Variants in PRKN observed in about 807,000 individuals in gnomAD.
PRKN encodes E3 ubiquitin-protein ligase parkin.
In PRKN, 56 loss-of-function variants were observed where a neutral mutation model predicts 59.5. That is an observed-to-expected ratio of 0.94 (90% CI 0.76 to 1.18). The LOEUF (loss-of-function observed/expected upper bound fraction) is 1.18. Ranked by LOEUF, PRKN falls within the 50% of genes most tolerant of loss-of-function variation. PRKN has a pLI of 0.00. For synonymous variants in PRKN, 250 were observed against 222.1 expected (o/e 1.13, Z -1.12); for missense variants, 657 against 596.4 (o/e 1.10, Z -1.06).
chr6:162,144,628 T>C (rs995748888), intron 4 of PRKN, among the ~76,000 whole-genome samples: 2 of 152,152 alleles, frequency 1.3e-5, no homozygotes, highest in Non-Finnish European at 2.9e-5. Flanking sequence ...CCTTTGGTTG[T>C]AGCTTCACCA....
At chr6:162,559,085 A>G (rs1385250578) in intron 1 of PRKN, among the ~76,000 whole-genome samples, 1 of 140,632 alleles carries the variant, frequency 7.1e-6, no homozygotes, top group African/African-American at 2.7e-5. Flanking sequence ...CAGGAGGCGG[A>G]GCTTGTAGTG....
intron 4 of PRKN, among the ~76,000 whole-genome samples, chr6:162,087,957 C>A (rs1018367207): frequency 1.3e-5 from 2 of 152,146 alleles, no homozygotes; most frequent in Non-Finnish European, 2.9e-5. Flanking sequence ...GCTTCCTAAA[C>A]GCAGGAGCAC....
intron 7 of PRKN, among the ~76,000 whole-genome samples, chr6:161,726,015 G>A (rs756849238): frequency 3.9e-5 from 6 of 152,202 alleles, no homozygotes; most frequent in Non-Finnish European, 5.9e-5. Context: ...GGAGAAGGCA[G>A]TGTCGTATGC....
rs567829967 is a variant in PRKN at position 161,461,694 on chromosome 6, G to A, written c.1084-74817C>T. On this transcript the variant is annotated intron_variant, in intron 9 of 11. Coordinates refer to ENST00000366898, the MANE Select transcript of PRKN (RefSeq NM_004562.3). The surrounding 1 kb of genome is among the most constrained non-coding windows in gnomAD (Gnocchi z 5.1). ...CCGAGGTAAGAAGAGACAGGACAGG[G>A]TTGCATGTGGGTGAGGGAAGAGGTG... 2.8e-4 allele frequency among the ~76,000 whole-genome samples: 43 copies of A among 152,284 alleles called. No individual in the cohort carries two copies. The highest frequency in any genetic ancestry group is 6.2e-4 in the South Asian group (3 of 4,824).
intron 2 of PRKN, among the ~76,000 whole-genome samples, chr6:162,341,400 T>A (rs1784171737): frequency 6.6e-6 from 1 of 152,146 alleles, no homozygotes; most frequent in Non-Finnish European, 1.5e-5. Flanking sequence ...AGCAATCCCA[T>A]TACTGGGTAT....
chr6:161,477,244 G>A (rs909841765), intron 9 of PRKN, among the ~76,000 whole-genome samples: 1 of 152,196 alleles, frequency 6.6e-6, no homozygotes, highest in African/African-American at 2.4e-5. Context: ...TTGGCCAGGC[G>A]CGGTGGCTCA....
In PRKN at chr6:161,360,058, A is replaced by C; in HGVS notation, c.1285+30T>G. ...GATTCTCCCCCAAAGAGCACACGAC[A>C]TCCTCATTCTCTGCTCAGCACAGAC... On this transcript the variant is annotated intron_variant, in intron 11 of 11. Transcript: ENST00000366898. The surrounding 1 kb of genome is among the most constrained non-coding windows in gnomAD (Gnocchi z 5.1). 1 of 1,466,878 alleles carries C rather than the reference A, an allele frequency of 6.8e-7. No homozygotes were observed. Among genetic ancestry groups the C allele is most frequent in the Non-Finnish European group, 9.6e-7 (1 of 1,045,488 alleles). 90.9% of individuals were successfully genotyped at this position (1,466,878 alleles called of 1,614,324 possible). A position where few individuals can be genotyped will look rare whatever the true frequency, so the allele number is the denominator to read the frequency against.
At chr6:161,861,616 CAAA>C (rs5881441) in intron 6 of PRKN, among the ~76,000 whole-genome samples, 36,438 of 141,630 alleles carry the variant, frequency 0.26, 4,970 homozygotes, top group East Asian at 0.54. Flanking sequence ...TATAAACATT[CAAA>C]AAAAAAAAAA....
chr6:162,100,454 CTT>C (rs377594454), intron 4 of PRKN, among the ~76,000 whole-genome samples: 13 of 143,798 alleles, frequency 9.0e-5, no homozygotes, highest in Admixed American at 2.8e-4. Flanking sequence ...TCTTTCTTGT[CTT>C]TTTTTTTTTT....
In PRKN at chr6:162,335,776, C is replaced by T. The variant is rs139883910; in HGVS notation, c.172-73011G>A. ...CCTTCTACACAGTTCAAGGCCAGGC[C>T]TGCCATTCCTTCAGAGGTAGAGGGC... On this transcript the variant is annotated intron_variant, in intron 2 of 11. Coordinates refer to ENST00000366898, the MANE Select transcript of PRKN (RefSeq NM_004562.3). Among the ~76,000 whole-genome samples the T allele has an allele frequency of 4.2e-3, 637 of 152,120 alleles. 4 individuals are homozygous for T. Among genetic ancestry groups the T allele is most frequent in the African/African-American group, 0.014 (598 of 41,490 alleles).
At chr6:161,908,406 G>T (rs771194999) in intron 6 of PRKN, among the ~76,000 whole-genome samples, 1 of 152,162 alleles carries the variant, frequency 6.6e-6, no homozygotes, top group Non-Finnish European at 1.5e-5. Flanking sequence ...ACTTTGAGGG[G>T]AGGAATATCT....
chr6:162,388,868 A>T (rs967647838), intron 2 of PRKN, among the ~76,000 whole-genome samples: 1 of 152,118 alleles, frequency 6.6e-6, no homozygotes, highest in African/African-American at 2.4e-5. Flanking sequence ...TGGGGGTCTG[A>T]TGCCCTGGCA....
At chr6:162,084,342 C>T (rs887741398) in intron 4 of PRKN, among the ~76,000 whole-genome samples, 5 of 152,118 alleles carry the variant, frequency 3.3e-5, no homozygotes, top group South Asian at 4.1e-4. Context: ...AAGGCAGCTC[C>T]GTGGAGTCAA....
At position 161,575,126 on chromosome 6, in the gene PRKN, G is replaced by A. The variant is rs75376358; in HGVS notation, c.872-5710C>T. 0.019 allele frequency among the ~76,000 whole-genome samples: 2,918 copies of A among 152,214 alleles called. 111 individuals carry two copies. Among genetic ancestry groups the A allele is most frequent in the African/African-American group, 0.066 (2,729 of 41,510 alleles). On this transcript the variant is annotated intron_variant, in intron 7 of 11. Coordinates refer to ENST00000366898, the MANE Select transcript of PRKN (RefSeq NM_004562.3). This position sits in a 1 kb window ranked among gnomAD's most constrained non-coding sequence, Gnocchi z 4.6. ...GTTTTCTAAAAATCTGAGCTCATTG[G>A]TGTTCAATGAATACCAGCTTTTTGG...
intron 1 of PRKN, among the ~76,000 whole-genome samples, chr6:162,682,108 G>C (rs1160058110): frequency 1.3e-5 from 2 of 151,962 alleles, no homozygotes; most frequent in Non-Finnish European, 2.9e-5. Context: ...TTATTTATCT[G>C]AATCTACCAG....
At chr6:162,643,637 CTCTA>C (rs2128225060) in intron 1 of PRKN, among the ~76,000 whole-genome samples, 1 of 152,068 alleles carries the variant, frequency 6.6e-6, no homozygotes, top group African/African-American at 2.4e-5. Flanking sequence ...TATCACTCAC[CTCTA>C]ATAAAAAGCA....
At chr6:162,644,279 A>AC (rs1488796613) in intron 1 of PRKN, among the ~76,000 whole-genome samples, 8 of 151,832 alleles carry the variant, frequency 5.3e-5, no homozygotes, top group South Asian at 2.1e-4. Flanking sequence ...GGCAGAGTGC[A>AC]CCCCCCATGG....
intron 6 of PRKN, among the ~76,000 whole-genome samples, chr6:161,791,932 C>T (rs1018257888): frequency 4.6e-5 from 7 of 152,112 alleles, no homozygotes; most frequent in South Asian, 4.1e-4. Flanking sequence ...GAAAAGACAC[C>T]GCAGCCTCTG....
At chr6:161,513,084 T>G (rs1454283502) in intron 9 of PRKN, among the ~76,000 whole-genome samples, 1 of 152,166 alleles carries the variant, frequency 6.6e-6, no homozygotes, top group Non-Finnish European at 1.5e-5. Context: ...TTCCACTCAC[T>G]TAGGAAAGCA....
Sources: gnomAD v4.1 joint callset for allele counts (sites outside exome capture counted in the v4.1 genomes callset) on GRCh38, gnomAD v4.1.1 for gene constraint, Gnocchi (gnomAD v3.1) non-coding constraint, MANE v1.5 for transcripts, NCBI Gene and HGNC (gene_info 2026-07-23, HGNC 2026-07-21) for gene names.